UBR1: variants seen among roughly 807,000 people sequenced by gnomAD.
The protein encoded by UBR1 is ubiquitin protein ligase E3 component n-recognin 1.
A neutral mutation model predicts 242.1 loss-of-function variants in UBR1; 102 were observed. The observed-to-expected ratio is 0.42, with a 90% confidence interval of 0.36 to 0.50. The LOEUF (loss-of-function observed/expected upper bound fraction) is 0.50. UBR1 is among the 20% of genes least tolerant of loss of function. UBR1 has a pLI of 0.01. For synonymous variants in UBR1, 675 were observed against 684.8 expected, an observed-to-expected ratio of 0.99 and a Z score of 0.22; for missense variants, 1,772 against 2,101.8, an observed-to-expected ratio of 0.84 and a Z score of 3.07.
chr15:43,027,104 C>G (rs1273185551), intron 22 of UBR1, among the ~76,000 whole-genome samples: 1 of 151,964 alleles, frequency 6.6e-6, no homozygotes, highest in Non-Finnish European at 1.5e-5. Context: ...ACTACTGAAT[C>G]CTTTATATAG....
intron 1 of UBR1, among the ~76,000 whole-genome samples, chr15:43,088,128 C>A (rs2034060757): frequency 6.6e-6 from 1 of 152,158 alleles, no homozygotes; most frequent in South Asian, 2.1e-4. Context: ...TATTTGAAAT[C>A]ATTTAAAAAC....
At chr15:42,960,555 AAGC>A (rs2031997609) in intron 43 of UBR1, 87 bp downstream of exon 43, 14 of 1,297,024 alleles carry the variant, frequency 1.1e-5, no homozygotes, top group Non-Finnish European at 1.6e-5. Context: ...AGAATGAAGA[AAGC>A]AGACTAGAAA....
chr15:43,088,384 G>A (rs967677228), intron 1 of UBR1, among the ~76,000 whole-genome samples: 1 of 152,204 alleles, frequency 6.6e-6, no homozygotes, highest in African/African-American at 2.4e-5. Flanking sequence ...AATGCAGTCA[G>A]AATGTCATAA....
At position 43,036,179 on chromosome 15, in the gene UBR1, T is replaced by C. The variant is rs1391960991; in HGVS notation, c.2189A>G (p.Gln730Arg). Residue 730 changes from glutamine to arginine, a missense_variant and splice_region_variant, in exon 19 of 47, where the codon CAG becomes CGG. Gln to Arg is a conservative substitution (Grantham distance 43). Transcript: ENST00000290650. ...AFNKTISTKD[Q>R]DLIKQYNTLI... ...TCACATAATTTACAGGTTGTATACC[T>C]GGTCTTTTGTAGATATGGTCTTGTT... 6.2e-7 allele frequency: 1 copy of C among 1,606,822 alleles called. No homozygotes were observed. The highest frequency in any genetic ancestry group is 1.7e-5 in the Admixed American group (1 of 60,022).
At chr15:43,094,478 ATTCT>A (rs1423453518) in intron 1 of UBR1, among the ~76,000 whole-genome samples, 5 of 151,226 alleles carry the variant, frequency 3.3e-5, no homozygotes, top group Admixed American at 2.6e-4. Context: ...CCATTCTCAC[ATTCT>A]TTTTTTCTTT....
intron 36 of UBR1, 52 bp from the exon 37 acceptor site, chr15:42,984,045 T>A (rs2032423607): frequency 2.4e-5 from 32 of 1,344,310 alleles, no homozygotes; most frequent in Non-Finnish European, 3.0e-5. Flanking sequence ...ATGAGAGACC[T>A]AAGTCATCCA....
chr15:42,993,748 G>T (rs1357233384), intron 33 of UBR1, among the ~76,000 whole-genome samples: 2 of 151,680 alleles, frequency 1.3e-5, no homozygotes, highest in Admixed American at 6.6e-5. Context: ...TGAGGCACGA[G>T]AATTGCTTAC....
chr15:43,016,231 C>G (rs1246319337), intron 28 of UBR1, among the ~76,000 whole-genome samples: 4 of 152,240 alleles, frequency 2.6e-5, no homozygotes, highest in South Asian at 4.1e-4. Flanking sequence ...ACAGTTACTT[C>G]TAAATGCACT....
At chr15:43,016,505 G>T (rs1400751096) in intron 28 of UBR1, among the ~76,000 whole-genome samples, 2 of 152,138 alleles carry the variant, frequency 1.3e-5, no homozygotes. Context: ...TGCTGTTGAT[G>T]AAAGTCATTT....
At chr15:42,990,008 T>A in intron 34 of UBR1, 22 bp downstream of exon 34, 1 of 1,559,054 alleles carries the variant, frequency 6.4e-7, no homozygotes. Flanking sequence ...TACAAAGTTC[T>A]CTTAACTATT....
At chr15:43,036,390 C>T in intron 18 of UBR1, 111 bp from the exon 19 acceptor site, 1 of 1,198,834 alleles carries the variant, frequency 8.3e-7, no homozygotes, top group Non-Finnish European at 1.2e-6. Flanking sequence ...GTAGTAGTCC[C>T]TTCTATTTCT....
Position 43,061,914 on chromosome 15 carries a change from T to A in UBR1, c.799-1800A>T, listed in dbSNP as rs1344411757. Among the ~76,000 whole-genome samples the A allele has an allele frequency of 2.0e-5, 3 of 151,892 alleles. No homozygotes were observed. The South Asian group carries it at 6.2e-4, about 32-fold the overall frequency. Reference sequence around the variant, plus strand: ...TCTCACAAATCACCATTAAAGAACTTGCTCATGTAACCAAATACCACCTGT... The same window carrying A: ...TCTCACAAATCACCATTAAAGAACTAGCTCATGTAACCAAATACCACCTGT... On this transcript the variant is annotated intron_variant, in intron 6 of 46. Transcript: ENST00000290650.
At position 42,965,622 on chromosome 15, in the gene UBR1, G is replaced by A. The variant is rs540668481; in HGVS notation, c.4591+531C>T. Among the ~76,000 whole-genome samples the A allele has an allele frequency of 2.0e-5, 3 of 152,094 alleles. No homozygotes were observed. In the South Asian group the frequency reaches 6.2e-4, roughly 32 times the overall value. On this transcript the variant is annotated intron_variant, in intron 41 of 46. Transcript: ENST00000290650. ...GGGATTACAGGCAATATGCCACCAT[G>A]CCCAGCTAATTTTTTTGTATTTTTA...
chr15:42,943,135 A>G lies in UBR1; in HGVS notation c.*2194T>C, dbSNP rs1010347059. The G allele has an allele frequency of 6.6e-5, 10 of 152,626 alleles. No individual in the cohort carries two copies. The highest frequency in any genetic ancestry group is 2.4e-4 in the African/African-American group (10 of 41,438). The allele number at this position is 152,626 out of a possible 1,614,324, so 9.5% of individuals were successfully genotyped here. ...AATGACAAATGACCACTAAAAGGTG[A>G]ACTCACAGCCCATACACCAATATAA... On this transcript the variant is annotated 3_prime_UTR_variant, in exon 47 of 47. Transcript: ENST00000290650.
chr15:42,971,766 T>C (rs930895309), intron 39 of UBR1, among the ~76,000 whole-genome samples: 23 of 152,202 alleles, frequency 1.5e-4, no homozygotes, highest in Admixed American at 1.4e-3. Flanking sequence ...AAATTTTACA[T>C]GCAATTAAGT....
At chr15:42,997,292 G>GA (rs2141281773) in intron 33 of UBR1, among the ~76,000 whole-genome samples, 1 of 152,228 alleles carries the variant, frequency 6.6e-6, no homozygotes, top group East Asian at 1.9e-4. Context: ...CTAGTCGCAG[G>GA]AAAACAAGCT....
chr15:43,068,694 C>G (rs1432562489), intron 5 of UBR1, among the ~76,000 whole-genome samples: 4 of 152,066 alleles, frequency 2.6e-5, no homozygotes, highest in Admixed American at 2.6e-4. Flanking sequence ...AATCTTAGCT[C>G]ACTGCAACCT....
chr15:43,039,815 T>G (rs1401266233), intron 15 of UBR1, among the ~76,000 whole-genome samples: 3 of 152,180 alleles, frequency 2.0e-5, no homozygotes, highest in Non-Finnish European at 4.4e-5. Context: ...GGCTGTGGGT[T>G]TGTCATAAAT....
At chr15:43,032,501 T>C (rs1387355584) in intron 20 of UBR1, 67 bp downstream of exon 20, 3 of 1,080,058 alleles carry the variant, frequency 2.8e-6, no homozygotes, top group Admixed American at 1.9e-5. Flanking sequence ...TCAATTATAG[T>C]TCATATAAAT....
Sources: gnomAD v4.1 joint callset for allele counts (sites outside exome capture counted in the v4.1 genomes callset) on GRCh38, gnomAD v4.1.1 for gene constraint, MANE v1.5 for transcripts, NCBI Gene and HGNC (gene_info 2026-07-23, HGNC 2026-07-21) for gene names.